The following ANKS1B variants were observed in gnomAD, a reference collection of about 807,000 sequenced individuals.
ANKS1B encodes the protein ankyrin repeat and sterile alpha motif domain-containing protein 1B.
ANKS1B carries 36 observed loss-of-function variants against 148.3 expected under a neutral mutation model. The ratio of observed to expected loss-of-function variants is 0.24; its 90% CI spans 0.19 to 0.32. The LOEUF (loss-of-function observed/expected upper bound fraction) is 0.32. ANKS1B is among the 10% of genes least tolerant of loss of function. The pLI is 1.00. For missense variants in ANKS1B, 1,157 were observed against 1,542.6 expected, an observed-to-expected ratio of 0.75 and a Z score of 4.19; for synonymous variants, 542 against 560.8, an observed-to-expected ratio of 0.97 and a Z score of 0.47.
intron 21 of ANKS1B, 101 bp downstream of exon 21, chr12:98,800,896 G>C: frequency 7.3e-7 from 1 of 1,363,498 alleles, no homozygotes; most frequent in South Asian, 1.6e-5. Context: ...TTCAGTGATG[G>C]ATATGGATAT....
intron 8 of ANKS1B, among the ~76,000 whole-genome samples, chr12:99,674,928 C>T (rs11109989): frequency 0.45 from 67,812 of 151,582 alleles, 15,883 homozygotes; most frequent in South Asian, 0.6. Flanking sequence ...AAAAATAGCA[C>T]GGTAAATGAA....
Position 99,327,659 on chromosome 12 carries a change from T to C in ANKS1B, c.1756+71972A>G, listed in dbSNP as rs913363487. Among the ~76,000 whole-genome samples the C allele has an allele frequency of 3.3e-5, 5 of 149,664 alleles. 1 individual carries two copies. Among genetic ancestry groups the C allele is most frequent in the Admixed American group, 2.7e-4 (4 of 14,832 alleles). On this transcript the variant is annotated intron_variant, in intron 12 of 26. Transcript: ENST00000683438. ...CATATATATATGCCACTCATTGGTC[T>C]TACCTTGTTATTTTCAAGCAAAATA...
rs1374473397 is a variant in ANKS1B at position 98,738,519 on chromosome 12, C to T, written c.691-2885G>A. On this transcript the variant is annotated intron_variant, in intron 9 of 9. Transcript: ENST00000341752. ...TTCAAATGTTTATCGCCGCTCCACT[C>T]GAGGCACTGCCCAACTCTCATTTAT... Among the ~76,000 whole-genome samples, 5 of 152,174 alleles carry T rather than the reference C, an allele frequency of 3.3e-5. No homozygotes were observed. In the East Asian group the frequency reaches 9.6e-4, roughly 29 times the overall value.
rs552667477 is a variant in ANKS1B at position 99,517,178 on chromosome 12, C to A, written c.1273-12537G>T. On this transcript the variant is annotated intron_variant, in intron 9 of 26. Transcript: ENST00000683438. ...ATATCTTTTCATTTTCTTGTATGATCTTTAATTTCATTCATCAGTATTTTA... is the reference window on the plus strand; with the variant it reads ...ATATCTTTTCATTTTCTTGTATGATATTTAATTTCATTCATCAGTATTTTA... Among the ~76,000 whole-genome samples the A allele has an allele frequency of 2.2e-4, 34 of 152,122 alleles. No homozygotes were observed. In the South Asian group the frequency reaches 2.7e-3, roughly 12 times the overall value.
chr12:99,345,747 C>T (rs1022052156), intron 12 of ANKS1B, among the ~76,000 whole-genome samples: 7 of 151,818 alleles, frequency 4.6e-5, no homozygotes, highest in South Asian at 2.1e-4. Flanking sequence ...GATCCAGAAA[C>T]GCAAATCCTT....
chr12:99,519,439 C>G, intron 9 of ANKS1B, among the ~76,000 whole-genome samples: 1 of 152,104 alleles, frequency 6.6e-6, no homozygotes, highest in Middle Eastern at 3.2e-3. Context: ...GTTATATCCT[C>G]TTGCTGAATT....
intron 14 of ANKS1B, among the ~76,000 whole-genome samples, chr12:99,158,422 T>G (rs1262238759): frequency 6.6e-6 from 1 of 152,166 alleles, no homozygotes; most frequent in Admixed American, 6.6e-5. Context: ...GTAAGGAAAC[T>G]GAAGCTCAGA....
Position 99,173,903 on chromosome 12 carries a change from C to T in ANKS1B, c.2420-19508G>A, listed in dbSNP as rs574174382. 3.3e-3 allele frequency among the ~76,000 whole-genome samples: 498 copies of T among 152,226 alleles called. 1 individual carries two copies. The highest frequency in any genetic ancestry group is 7.9e-3 in the Admixed American group (120 of 15,268). On this transcript the variant is annotated intron_variant, in intron 14 of 26. Transcript: ENST00000683438. ...GTATATGACCAAAATCTGGTGCTGT[C>T]GGTGGCTTCTGAGATGGCTGCATTG...
At chr12:99,654,933 A>G in intron 9 of ANKS1B, 134 bp downstream of exon 9, 1 of 1,006,076 alleles carries the variant, frequency 9.9e-7, no homozygotes, top group Non-Finnish European at 1.4e-6. Flanking sequence ...TGACACTTTG[A>G]GAAAAACCAC....
intron 12 of ANKS1B, among the ~76,000 whole-genome samples, chr12:99,367,705 T>C (rs1053848531): frequency 6.6e-5 from 10 of 152,286 alleles, no homozygotes; most frequent in African/African-American, 2.4e-4. Flanking sequence ...GTGAAGACTG[T>C]CTTTATGTAT....
intron 10 of ANKS1B, among the ~76,000 whole-genome samples, chr12:99,478,089 T>G (rs2096354840): frequency 6.6e-6 from 1 of 152,144 alleles, no homozygotes; most frequent in Admixed American, 6.6e-5. Flanking sequence ...TGAAATATCT[T>G]TGAGTAAGGA....
At chr12:99,741,587 C>T (rs1424253045) in intron 8 of ANKS1B, among the ~76,000 whole-genome samples, 2 of 152,094 alleles carry the variant, frequency 1.3e-5, no homozygotes, top group African/African-American at 4.8e-5. Flanking sequence ...GAGTTCATGT[C>T]CTTTGCAGCG....
chr12:98,864,530 C>T (rs2099615046), intron 17 of ANKS1B, among the ~76,000 whole-genome samples: 1 of 152,114 alleles, frequency 6.6e-6, no homozygotes. Flanking sequence ...GTGGGTGGGC[C>T]TCATCCAATC....
chr12:98,906,843 G>C (rs1260671889), intron 17 of ANKS1B, among the ~76,000 whole-genome samples: 1 of 151,964 alleles, frequency 6.6e-6, no homozygotes, highest in Admixed American at 6.6e-5. Context: ...AATAATTTTT[G>C]TTTTTATTTT....
chr12:99,219,812 A>G (rs1317255571), intron 14 of ANKS1B, among the ~76,000 whole-genome samples: 3 of 152,220 alleles, frequency 2.0e-5, no homozygotes, highest in East Asian at 1.9e-4. Flanking sequence ...AGCTAGAAAG[A>G]AAATTCCAGT....
chr12:99,693,334 C>T, intron 8 of ANKS1B, among the ~76,000 whole-genome samples: 1 of 152,034 alleles, frequency 6.6e-6, no homozygotes, highest in Non-Finnish European at 1.5e-5. Flanking sequence ...TGATGGACTG[C>T]CCATTAAAGC....
intron 12 of ANKS1B, among the ~76,000 whole-genome samples, chr12:99,317,332 T>A (rs1818693416): frequency 6.6e-6 from 1 of 152,122 alleles, no homozygotes; most frequent in Non-Finnish European, 1.5e-5. Context: ...TATCCTCTTT[T>A]ATTTCATTGA....
At chr12:98,873,018 T>G (rs2099676027) in intron 17 of ANKS1B, among the ~76,000 whole-genome samples, 1 of 152,220 alleles carries the variant, frequency 6.6e-6, no homozygotes, top group Non-Finnish European at 1.5e-5. Context: ...ATCCATCTTG[T>G]AAGACTATAC....
At chr12:99,284,567 T>C (rs182461452) in intron 12 of ANKS1B, among the ~76,000 whole-genome samples, 48 of 152,354 alleles carry the variant, frequency 3.2e-4, no homozygotes, top group Non-Finnish European at 5.4e-4. Context: ...TTTCTACTCC[T>C]GCCACCTTAG....
Sources: allele counts gnomAD v4.1 joint callset (sites outside exome capture counted in the v4.1 genomes callset), GRCh38; gene constraint gnomAD v4.1.1; transcripts MANE v1.5; gene names NCBI Gene and HGNC (gene_info 2026-07-23, HGNC 2026-07-21).